The following FBN2 variants were observed in gnomAD, a reference collection of about 807,000 sequenced individuals.
FBN2 encodes fibrillin 2, also known as fibrillin-2.
Under a neutral mutation model 355.6 loss-of-function variants are expected in FBN2, and 105 were observed. The ratio of observed to expected loss-of-function variants is 0.30; its 90% confidence interval spans 0.25 to 0.35. FBN2 has a LOEUF of 0.35. Ranked by LOEUF, FBN2 falls within the 10% of genes least tolerant of loss-of-function variation. FBN2 has a pLI of 1.00. For synonymous variants in FBN2, 1,350 were observed against 1,301.2 expected (o/e 1.04, Z -0.81); for missense variants, 3,280 against 3,758.7 (o/e 0.87, Z 3.33).
At chr5:128,388,405 A>T (rs562398081) in intron 11 of FBN2, among the ~76,000 whole-genome samples, 47 of 152,232 alleles carry the variant, frequency 3.1e-4, no homozygotes, top group African/African-American at 1.1e-3. Context: ...TGTTATACAG[A>T]TTTAATTGTG....
In FBN2 at chr5:128,288,569, G is replaced by T. The variant is rs199651908; in HGVS notation, c.6638-12C>A. ...ACACTCATCAGTATCTGAAAAAGAA[G>T]AATAAGAAACTGCCACAAAGATGTT... On this transcript the variant is annotated splice_polypyrimidine_tract_variant and intron_variant, in intron 52 of 64. Transcript: ENST00000262464. 1.9e-6 allele frequency: 3 copies of T among 1,612,614 alleles called. No individual in the cohort carries two copies. In the East Asian group the frequency reaches 6.7e-5, roughly 36 times the overall value.
chr5:128,270,840 C>T (rs1435304115), intron 62 of FBN2, among the ~76,000 whole-genome samples: 1 of 152,076 alleles, frequency 6.6e-6, no homozygotes, highest in Admixed American at 6.5e-5. Context: ...AGGAGTTCTA[C>T]AACAGTTTTT....
chr5:128,318,328 G>C (rs1200026641), intron 35 of FBN2, 57 bp from the exon 36 acceptor site: 1 of 1,591,306 alleles, frequency 6.3e-7, no homozygotes. Flanking sequence ...TGTGCATACT[G>C]CTGTTCCAAA....
chr5:128,498,738 T>C (rs977499081), intron 5 of FBN2, among the ~76,000 whole-genome samples: 1 of 152,244 alleles, frequency 6.6e-6, no homozygotes, highest in African/African-American at 2.4e-5. Flanking sequence ...AGAAGTATTA[T>C]ATAAGTAGTA....
At chr5:128,444,054 C>CTT (rs35768962) in intron 7 of FBN2, among the ~76,000 whole-genome samples, 1,898 of 65,552 alleles carry the variant, frequency 0.029, 559 homozygotes, top group African/African-American at 0.098. Flanking sequence ...ATCACTTGTT[C>CTT]TTTTTTTTTT....
chr5:128,464,721 C>A lies in FBN2; in HGVS notation c.826+3G>T, dbSNP rs1402473163. 2 of 1,612,294 alleles carry A rather than the reference C, an allele frequency of 1.2e-6. No homozygotes were observed. Among genetic ancestry groups the A allele is most frequent in the African/African-American group, 2.7e-5 (2 of 74,882 alleles). ...GGTGTGCACAGGCAGACAGCTGACTCACCTTGGCAAGCTCCAGTGCGGATG... is the reference window on the plus strand; with the variant it reads ...GGTGTGCACAGGCAGACAGCTGACTAACCTTGGCAAGCTCCAGTGCGGATG... On this transcript the variant is annotated splice_donor_region_variant and intron_variant, in intron 6 of 64. Coordinates refer to ENST00000262464, the MANE Select transcript of FBN2 (RefSeq NM_001999.4).
Position 128,312,808 on chromosome 5 carries a change from A to G in FBN2, c.4718-13T>C, listed in dbSNP as rs10044959. ...CCCACACGGTTGTCTGCAGAGCAAC[A>G]AAGGAGCTTACAGTTGCCCTTGCTT... On this transcript the variant is annotated splice_polypyrimidine_tract_variant and intron_variant, in intron 36 of 64. Coordinates refer to ENST00000262464, the MANE Select transcript of FBN2 (RefSeq NM_001999.4). 0.1 allele frequency: 166,722 copies of G among 1,612,828 alleles called. 9,566 individuals are homozygous for G. Among genetic ancestry groups the G allele is most frequent in the Non-Finnish European group, 0.12 (137,357 of 1,179,572 alleles).
At chr5:128,440,123 C>T (rs574865559) in intron 7 of FBN2, among the ~76,000 whole-genome samples, 7 of 152,194 alleles carry the variant, frequency 4.6e-5, no homozygotes, top group South Asian at 4.1e-4. Flanking sequence ...TAAATATTTT[C>T]GCTTTATAAC....
chr5:128,339,219 G>A (rs956408267), intron 25 of FBN2, 158 bp from the exon 26 acceptor site: 3 of 690,788 alleles, frequency 4.3e-6, no homozygotes, highest in East Asian at 5.7e-5. Flanking sequence ...GGGACCTGAG[G>A]CACATTCCTT....
chr5:128,477,519 A>G (rs1329229816), intron 5 of FBN2, among the ~76,000 whole-genome samples: 1 of 152,190 alleles, frequency 6.6e-6, no homozygotes, highest in Non-Finnish European at 1.5e-5. Context: ...TTTTATTATT[A>G]TTATGTTATA....
In FBN2 at chr5:128,473,990, C is replaced by T. The variant is rs536566696; in HGVS notation, c.629-9069G>A. 6.4e-4 allele frequency among the ~76,000 whole-genome samples: 98 copies of T among 152,176 alleles called. 1 individual carries two copies. Among genetic ancestry groups the T allele is most frequent in the Non-Finnish European group, 1.2e-3 (84 of 68,032 alleles). The stretch of plus-strand genomic sequence containing the variant: ...CTCTGCAGTCTTTCAAAGCACAAGG[C>T]TACTGCTGACATCAAAGGGCATTTT... On this transcript the variant is annotated intron_variant, in intron 5 of 64. Coordinates refer to ENST00000262464, the MANE Select transcript of FBN2 (RefSeq NM_001999.4).
At chr5:128,439,745 C>A (rs1753867267) in intron 7 of FBN2, among the ~76,000 whole-genome samples, 1 of 151,540 alleles carries the variant, frequency 6.6e-6, no homozygotes, top group Non-Finnish European at 1.5e-5. Flanking sequence ...TTTTATGTAA[C>A]TGAATTTATT....
chr5:128,518,561 AC>A (rs1285578590), intron 5 of FBN2, among the ~76,000 whole-genome samples: 1 of 151,646 alleles, frequency 6.6e-6, no homozygotes, highest in Non-Finnish European at 1.5e-5. Context: ...TACCACCACC[AC>A]CCCCCACTTT....
intron 2 of FBN2, among the ~76,000 whole-genome samples, chr5:128,532,588 T>C (rs1756737100): frequency 6.6e-6 from 1 of 152,214 alleles, no homozygotes; most frequent in African/African-American, 2.4e-5. Flanking sequence ...GCTCTGAAAC[T>C]GGCTGTAGTT....
At chr5:128,398,352 ATTATT>A (rs1015491959) in intron 8 of FBN2, among the ~76,000 whole-genome samples, 2 of 150,594 alleles carry the variant, frequency 1.3e-5, no homozygotes, top group African/African-American at 4.8e-5. Context: ...TCTGACAATT[ATTATT>A]TTAAATTATT....
intron 6 of FBN2, among the ~76,000 whole-genome samples, chr5:128,453,927 G>T (rs1042274818): frequency 2.3e-4 from 35 of 151,776 alleles, no homozygotes; most frequent in Admixed American, 1.3e-4. Context: ...CCACCCTCCT[G>T]TACCTCACTC....
intron 5 of FBN2, among the ~76,000 whole-genome samples, chr5:128,483,959 AC>A (rs1181682658): frequency 6.6e-6 from 1 of 152,160 alleles, no homozygotes; most frequent in Non-Finnish European, 1.5e-5. Context: ...AACATTTTCC[AC>A]CACATATGTG....
At chr5:128,500,102 C>A (rs527397267) in intron 5 of FBN2, among the ~76,000 whole-genome samples, 5 of 152,116 alleles carry the variant, frequency 3.3e-5, no homozygotes, top group Non-Finnish European at 5.9e-5. Flanking sequence ...AGCCCCTCCT[C>A]CTGGCTTTCT....
intron 7 of FBN2, among the ~76,000 whole-genome samples, chr5:128,414,375 TA>T (rs1753144098): frequency 1.3e-5 from 2 of 152,192 alleles, no homozygotes. Context: ...AATAGAATCA[TA>T]AAATATGTGG....
Sources: allele counts gnomAD v4.1 joint callset (sites outside exome capture counted in the v4.1 genomes callset), GRCh38; gene constraint gnomAD v4.1.1; transcripts MANE v1.5; gene names NCBI Gene and HGNC (gene_info 2026-07-23, HGNC 2026-07-21).